The following LNP1 variants were observed in gnomAD, a reference collection of about 807,000 sequenced individuals.
LNP1 encodes the protein leukemia NUP98 fusion partner 1.
Under a neutral mutation model 14.5 loss-of-function variants are expected in LNP1, and 12 were observed. That is an observed-to-expected ratio of 0.83 (90% CI 0.53 to 1.34). LNP1 has a LOEUF of 1.34. Ranked by LOEUF, LNP1 falls within the 40% of genes most tolerant of loss-of-function variation. The probability of loss-of-function intolerance (pLI) is 0.00; values close to 1 mark genes in which losing one functional copy is unlikely to be tolerated. For synonymous variants in LNP1, 75 were observed against 71.4 expected, an observed-to-expected ratio of 1.05 and a Z score of -0.26; for missense variants, 198 against 210.9, an observed-to-expected ratio of 0.94 and a Z score of 0.38.
At chr3:100,422,969 C>A (rs1220358333) in intron 1 of LNP1, among the ~76,000 whole-genome samples, 1 of 151,884 alleles carries the variant, frequency 6.6e-6, no homozygotes, top group East Asian at 1.9e-4. Context: ...TTGATGACCA[C>A]CTCAAAAGAG....
intron 1 of LNP1, among the ~76,000 whole-genome samples, chr3:100,425,955 A>G (rs1183428865): frequency 1.3e-5 from 2 of 152,218 alleles, no homozygotes; most frequent in African/African-American, 4.8e-5. Context: ...CTATCAATCC[A>G]TCATTGCAAA....
At chr3:100,424,819 C>G (rs951663845) in intron 1 of LNP1, among the ~76,000 whole-genome samples, 15 of 152,122 alleles carry the variant, frequency 9.9e-5, no homozygotes, top group African/African-American at 3.4e-4. Flanking sequence ...TCTCCTTGGT[C>G]AAGGCATTTT....
intron 1 of LNP1, among the ~76,000 whole-genome samples, chr3:100,428,477 A>G (rs1453069237): frequency 6.6e-6 from 1 of 151,698 alleles, no homozygotes. Flanking sequence ...GGTTGCAGTG[A>G]GCTGAGATCA....
At chr3:100,427,223 A>G (rs190411047) in intron 1 of LNP1, among the ~76,000 whole-genome samples, 3 of 152,018 alleles carry the variant, frequency 2.0e-5, no homozygotes, top group Non-Finnish European at 4.4e-5. Context: ...GGAGAAAGCA[A>G]TGCAAACTTT....
At chr3:100,445,210 G>T (rs1707376841) in intron 2 of LNP1, among the ~76,000 whole-genome samples, 1 of 152,216 alleles carries the variant, frequency 6.6e-6, no homozygotes, top group Non-Finnish European at 1.5e-5. Context: ...GGCAGAGGTT[G>T]CAGTGAGCTG....
intron 1 of LNP1, among the ~76,000 whole-genome samples, chr3:100,415,800 G>T (rs893863934): frequency 1.3e-5 from 2 of 152,148 alleles, no homozygotes; most frequent in South Asian, 2.1e-4. Context: ...TTCAAGCAAA[G>T]AATTGGAACT....
At chr3:100,428,777 A>C (rs1310777667) in intron 1 of LNP1, among the ~76,000 whole-genome samples, 1 of 152,224 alleles carries the variant, frequency 6.6e-6, no homozygotes, top group Non-Finnish European at 1.5e-5. Flanking sequence ...TGTTGATGCA[A>C]TGCAATACTA....
rs78633312 is a variant in LNP1 at position 100,451,754 on chromosome 3, C to G, written c.192C>G (p.Cys64Trp). The G allele has an allele frequency of 5.7e-6, 5 of 877,454 alleles. No homozygotes were observed. Among genetic ancestry groups the G allele is most frequent in the Non-Finnish European group, 7.5e-6 (5 of 666,944 alleles). The allele number at this position is 877,454 out of a possible 1,614,324, so 54.4% of individuals were successfully genotyped here. ...PVLPRIPSSD[C>W]HPRRHSHEDQ... is the part of the protein sequence containing the mutation. ...TTCCCAGAATTCCATCATCTGACTG[C>G]CATCCTAGAAGGCATTCTCATGAGG... Residue 64 changes from cysteine (C) to tryptophan (W), a missense_variant, in exon 3 of 4, where the codon TGC (cysteine) becomes TGG (tryptophan). Transcript: ENST00000383693.
chr3:100,434,049 T>C (rs1707268149), intron 2 of LNP1, among the ~76,000 whole-genome samples: 1 of 152,236 alleles, frequency 6.6e-6, no homozygotes, highest in African/African-American at 2.4e-5. Flanking sequence ...TCTTTTGCTG[T>C]GCAGAAGCTC....
At chr3:100,428,531 CAAAAAAAA>C (rs552434826) in intron 1 of LNP1, among the ~76,000 whole-genome samples, 1 of 103,584 alleles carries the variant, frequency 9.7e-6, no homozygotes, top group Non-Finnish European at 2.0e-5. Context: ...GACTCCATCT[CAAAAAAAA>C]AAAAAGAAAA....
At chr3:100,416,295 A>G (rs1401424406) in intron 1 of LNP1, among the ~76,000 whole-genome samples, 32 of 152,226 alleles carry the variant, frequency 2.1e-4, no homozygotes, top group Non-Finnish European at 1.5e-5. Context: ...CAAACAAAAA[A>G]GCCCTAGTTG....
At chr3:100,439,597 TCTC>T (rs1362399020) in intron 2 of LNP1, among the ~76,000 whole-genome samples, 12 of 152,156 alleles carry the variant, frequency 7.9e-5, no homozygotes, top group Admixed American at 7.9e-4. Flanking sequence ...TCTGGATACT[TCTC>T]CTCTACCCCC....
intron 2 of LNP1, among the ~76,000 whole-genome samples, chr3:100,443,590 C>T (rs1044283831): frequency 4.6e-5 from 7 of 152,138 alleles, no homozygotes; most frequent in African/African-American, 7.2e-5. Flanking sequence ...CCTATAAGAA[C>T]GTTACATTCT....
intron 1 of LNP1, among the ~76,000 whole-genome samples, chr3:100,421,411 A>G (rs1457205855): frequency 6.6e-6 from 1 of 152,214 alleles, no homozygotes; most frequent in Non-Finnish European, 1.5e-5. Context: ...AACATCCAGA[A>G]TTAATGTTTG....
chr3:100,416,349 A>G (rs186037833), intron 1 of LNP1, among the ~76,000 whole-genome samples: 115 of 152,334 alleles, frequency 7.5e-4, no homozygotes, highest in African/African-American at 2.5e-3. Context: ...AGAGGTTCCA[A>G]GGTCATTTTG....
chr3:100,419,208 T>C (rs752480310), intron 1 of LNP1, among the ~76,000 whole-genome samples: 1 of 152,248 alleles, frequency 6.6e-6, no homozygotes, highest in Non-Finnish European at 1.5e-5. Context: ...CTGTCATCGT[T>C]GCTTTCTTCC....
At chr3:100,454,288 T>C (rs1190052258) in intron 3 of LNP1, among the ~76,000 whole-genome samples, 1 of 152,208 alleles carries the variant, frequency 6.6e-6, no homozygotes, top group Non-Finnish European at 1.5e-5. Context: ...AAATTGAATA[T>C]TTTATTTTAC....
intron 1 of LNP1, among the ~76,000 whole-genome samples, chr3:100,411,336 C>T (rs1707030261): frequency 6.6e-6 from 1 of 152,158 alleles, no homozygotes; most frequent in African/African-American, 2.4e-5. Flanking sequence ...CAGTTCTCTC[C>T]CATACCTGAT....
intron 2 of LNP1, among the ~76,000 whole-genome samples, chr3:100,445,195 C>T (rs1707376676): frequency 6.6e-6 from 1 of 152,162 alleles, no homozygotes; most frequent in Non-Finnish European, 1.5e-5. Context: ...TTGCTTGAAC[C>T]CAGAGGCAGA....
Sources: allele counts gnomAD v4.1 joint callset (sites outside exome capture counted in the v4.1 genomes callset), GRCh38; gene constraint gnomAD v4.1.1; transcripts MANE v1.5; gene names NCBI Gene and HGNC (gene_info 2026-07-23, HGNC 2026-07-21).